The following PHKA1 variants were observed in gnomAD, a reference collection of about 807,000 sequenced individuals.
PHKA1 encodes the protein phosphorylase b kinase regulatory subunit alpha, skeletal muscle isoform.
PHKA1 carries 60 observed loss-of-function variants against 110.2 expected under a neutral mutation model. That is an observed-to-expected ratio of 0.54 (90% CI 0.44 to 0.68). The LOEUF is 0.68. Among genes scored for constraint, PHKA1 ranks in the 30% least tolerant of loss-of-function variants. The pLI is 0.00. For missense variants in PHKA1, 801 were observed against 942.5 expected (o/e 0.85, Z 1.97); for synonymous variants, 316 against 333.6 (o/e 0.95, Z 0.58).
At chrX:72,622,248 A>G in intron 18 of PHKA1, 2 of 754,017 alleles carry the variant, frequency 2.7e-6, no homozygotes, top group Non-Finnish European at 3.1e-6. Context: ...GTGTTGTCCT[A>G]TTGTATGAGA....
intron 29 of PHKA1, among the ~76,000 whole-genome samples, chrX:72,588,850 C>G (rs981063258): frequency 5.4e-5 from 6 of 111,646 alleles, no homozygotes; most frequent in East Asian, 2.8e-4. Flanking sequence ...AATTCCTGGA[C>G]ACACACACCC....
At chrX:72,673,848 A>C (rs868926083) in intron 6 of PHKA1, among the ~76,000 whole-genome samples, 1 of 109,660 alleles carries the variant, frequency 9.1e-6, no homozygotes, top group Non-Finnish European at 1.9e-5. Context: ...GTACATGTAC[A>C]CAACGTGCAG....
intron 4 of PHKA1, among the ~76,000 whole-genome samples, chrX:72,687,952 G>C (rs1022763196): frequency 5.3e-4 from 57 of 107,580 alleles, no homozygotes; most frequent in Admixed American, 2.9e-3. Context: ...TCAGCCTCCT[G>C]AGTAGCTGGG....
chrX:72,667,429 T>C lies in PHKA1; in HGVS notation c.663A>G (p.Lys221=), dbSNP rs782061485. The change falls in exon 7 of 32, where the codon AAA becomes AAG. Residue 221 remains lysine, a synonymous_variant. Coordinates refer to ENST00000373542, the MANE Select transcript of PHKA1 (RefSeq NM_002637.4). ...ALDELDLFGV[K]GGPQSVIHVL... ...CATGGATAACTGATTGAGGCCCACCTTTCACACCAAACAGATCCAGTTCAT... is the reference window on the plus strand; with the variant it reads ...CATGGATAACTGATTGAGGCCCACCCTTCACACCAAACAGATCCAGTTCAT... 6.6e-6 allele frequency: 8 copies of C among 1,208,925 alleles called. No individual in the cohort carries two copies. Among genetic ancestry groups the C allele is most frequent in the African/African-American group, 1.7e-5 (1 of 57,212 alleles).
intron 29 of PHKA1, 50 bp from the exon 30 acceptor site, chrX:72,584,352 T>C (rs1288601091): frequency 1.0e-5 from 11 of 1,086,498 alleles, no homozygotes; most frequent in South Asian, 1.9e-5. Context: ...TCACCAAGGA[T>C]AGACAAACAA....
intron 26 of PHKA1, 90 bp downstream of exon 26, chrX:72,603,029 A>T (rs2052678201): frequency 5.1e-6 from 3 of 589,851 alleles, no homozygotes; most frequent in Non-Finnish European, 8.6e-6. Flanking sequence ...TTGGGGAAAA[A>T]GGTTTCTGTG....
rs782396693 is a variant in PHKA1 at position 72,609,634 on chromosome X, T to G, written c.2596A>C (p.Thr866Pro). The G allele has an allele frequency of 8.3e-7, 1 of 1,199,828 alleles. No individual in the cohort carries two copies. Among genetic ancestry groups the G allele is most frequent in the East Asian group, 3.0e-5 (1 of 33,778 alleles). ...VGLPPEPREK[T>P]ISAPLPYEAL... ...CCCAGCCATACTCACGCAGAGATAG[T>G]CTTTTCTCGAGGTTCTGGAGGAAGT... Residue 866 changes from threonine to proline, a missense_variant, in exon 23 of 32, where the codon ACT (threonine) becomes CCT (proline). By Grantham distance (38) the Thr-to-Pro change is conservative. Coordinates refer to ENST00000373542, the MANE Select transcript of PHKA1 (RefSeq NM_002637.4).
intron 21 of PHKA1, among the ~76,000 whole-genome samples, chrX:72,617,038 T>C (rs1556270333): frequency 9.0e-6 from 1 of 111,571 alleles, no homozygotes; most frequent in African/African-American, 3.3e-5. Flanking sequence ...TGAATGCATA[T>C]ATCAAAAAGT....
chrX:72,651,087 A>C (rs1220294501), intron 12 of PHKA1, among the ~76,000 whole-genome samples: 2 of 112,101 alleles, frequency 1.8e-5, no homozygotes, highest in East Asian at 5.5e-4. Context: ...TGATTAGATG[A>C]TTAGATCACA....
chrX:72,593,076 T>C (rs2052543082), intron 29 of PHKA1, 28 bp downstream of exon 29: 1 of 1,033,597 alleles, frequency 9.7e-7, no homozygotes, highest in African/African-American at 1.9e-5. Context: ...GGGGCAAAAA[T>C]GAGACATCAA....
intron 15 of PHKA1, 57 bp from the exon 16 acceptor site, chrX:72,635,356 T>C: frequency 1.9e-6 from 2 of 1,040,499 alleles, no homozygotes; most frequent in Non-Finnish European, 2.7e-6. Flanking sequence ...TATCAAGTAA[T>C]ATTTTAAACT....
At chrX:72,709,445 C>A (rs929706741) in intron 2 of PHKA1, 6 of 108,047 alleles carry the variant, frequency 5.6e-5, no homozygotes, top group African/African-American at 2.0e-4. Context: ...CTCTTCAATT[C>A]TCTGACATTA....
chrX:72,630,065 T>C (rs373720735), intron 16 of PHKA1, among the ~76,000 whole-genome samples: 1 of 111,423 alleles, frequency 9.0e-6, no homozygotes, highest in South Asian at 3.7e-4. Context: ...CTGGCCAACA[T>C]GGCGAAACCC....
chrX:72,594,475 A>G (rs146077838), intron 28 of PHKA1, among the ~76,000 whole-genome samples: 1 of 112,403 alleles, frequency 8.9e-6, no homozygotes, highest in Non-Finnish European at 1.9e-5. Flanking sequence ...AAAAAGGATT[A>G]TAAGGGCATA....
chrX:72,595,768 C>T (rs781997640), intron 28 of PHKA1, among the ~76,000 whole-genome samples: 5 of 111,222 alleles, frequency 4.5e-5, no homozygotes, highest in South Asian at 7.6e-4. Flanking sequence ...TTAGGATGAC[C>T]GTGGTTAAAA....
chrX:72,692,741 A>G (rs2054054413), intron 4 of PHKA1, among the ~76,000 whole-genome samples: 1 of 111,395 alleles, frequency 9.0e-6, no homozygotes, highest in African/African-American at 3.3e-5. Flanking sequence ...CAATGTAGCT[A>G]AAGATTTATC....
chrX:72,697,676 A>C (rs2054143982), intron 3 of PHKA1, among the ~76,000 whole-genome samples: 2 of 110,361 alleles, frequency 1.8e-5, no homozygotes, highest in African/African-American at 6.6e-5. Context: ...GAAGACACTC[A>C]GAAATGTCTT....
intron 3 of PHKA1, among the ~76,000 whole-genome samples, chrX:72,696,570 TTG>T (rs1252252911): frequency 7.2e-5 from 8 of 111,521 alleles, no homozygotes; most frequent in Non-Finnish European, 1.3e-4. Flanking sequence ...AAGCCCCCAG[TTG>T]TGGGGCGTTG....
At chrX:72,692,430 T>C (rs1368539829) in intron 4 of PHKA1, among the ~76,000 whole-genome samples, 1 of 111,810 alleles carries the variant, frequency 8.9e-6, no homozygotes, top group African/African-American at 3.2e-5. Flanking sequence ...CACTCTTCTT[T>C]ATTTGGTAGA....
Sources: allele counts gnomAD v4.1 joint callset (sites outside exome capture counted in the v4.1 genomes callset), GRCh38; gene constraint gnomAD v4.1.1; transcripts MANE v1.5; gene names NCBI Gene and HGNC (gene_info 2026-07-23, HGNC 2026-07-21).